Variants in VWA8 observed in about 807,000 individuals in gnomAD.
The protein encoded by VWA8 is von Willebrand factor A domain-containing protein 8.
Under a neutral mutation model 241.5 loss-of-function variants are expected in VWA8, and 221 were observed. The observed-to-expected ratio is 0.91, with a 90% CI of 0.82 to 1.02. VWA8 has a LOEUF of 1.02. Among genes scored for constraint, VWA8 ranks in the 50% least tolerant of loss-of-function variants. VWA8 has a pLI of 0.00. For missense variants in VWA8, 2,322 were observed against 2,328.7 expected (o/e 1.00, Z 0.06); for synonymous variants, 852 against 827.1 (o/e 1.03, Z -0.52).
chr13:41,806,168 G>T (rs935304662), intron 17 of VWA8, among the ~76,000 whole-genome samples: 1 of 151,806 alleles, frequency 6.6e-6, no homozygotes, highest in African/African-American at 2.4e-5. Context: ...GAAGAAAACT[G>T]AAAAATTTAT....
chr13:41,568,761 G>A (rs969206002), intron 44 of VWA8, among the ~76,000 whole-genome samples: 13 of 152,116 alleles, frequency 8.5e-5, no homozygotes, highest in African/African-American at 3.1e-4. Context: ...ACCCTGAGTG[G>A]TTCTTTCTCT....
At chr13:41,899,770 G>A (rs1023234250) in intron 4 of VWA8, among the ~76,000 whole-genome samples, 7 of 152,104 alleles carry the variant, frequency 4.6e-5, no homozygotes, top group Admixed American at 2.0e-4. Flanking sequence ...TAGCAACAAC[G>A]TACTGTGCCA....
At chr13:41,650,585 T>G (rs939353703) in intron 37 of VWA8, among the ~76,000 whole-genome samples, 1 of 152,236 alleles carries the variant, frequency 6.6e-6, no homozygotes, top group African/African-American at 2.4e-5. Flanking sequence ...CGTAAAAGCT[T>G]TAAATAGCCA....
chr13:41,588,889 TG>T (rs1389018990), intron 41 of VWA8, among the ~76,000 whole-genome samples: 1 of 152,204 alleles, frequency 6.6e-6, no homozygotes, highest in African/African-American at 2.4e-5. Context: ...CTTAAAAACT[TG>T]TTGAGTCTGC....
At chr13:41,753,308 C>CT (rs1041144913) in intron 21 of VWA8, among the ~76,000 whole-genome samples, 1 of 152,100 alleles carries the variant, frequency 6.6e-6, no homozygotes, top group African/African-American at 2.4e-5. Context: ...AAAAAAAACT[C>CT]TGGCAGTATA....
chr13:41,697,059 C>T (rs1466668844), intron 29 of VWA8, among the ~76,000 whole-genome samples: 1 of 152,210 alleles, frequency 6.6e-6, no homozygotes, highest in Non-Finnish European at 1.5e-5. Context: ...CAAACTGAAT[C>T]TAATATCATC....
At chr13:41,726,192 T>C (rs1007611717) in intron 24 of VWA8, among the ~76,000 whole-genome samples, 12 of 152,316 alleles carry the variant, frequency 7.9e-5, no homozygotes, top group African/African-American at 2.6e-4. Context: ...TAGCATTCTA[T>C]TGTGTGGATA....
At chr13:41,590,794 G>T in intron 40 of VWA8, 29 bp from the exon 41 acceptor site, 1 of 1,609,680 alleles carries the variant, frequency 6.2e-7, no homozygotes. Flanking sequence ...CACACACAAA[G>T]CCTTAATTAG....
chr13:41,662,910 T>C (rs2044961470), intron 37 of VWA8, among the ~76,000 whole-genome samples: 1 of 151,938 alleles, frequency 6.6e-6, no homozygotes, highest in African/African-American at 2.4e-5. Flanking sequence ...TTTCCTTCTA[T>C]TCCTAGTTTC....
At chr13:41,947,812 A>G (rs1877918237) in intron 2 of VWA8, among the ~76,000 whole-genome samples, 1 of 151,628 alleles carries the variant, frequency 6.6e-6, no homozygotes, top group African/African-American at 2.4e-5. Flanking sequence ...ACCTGCACCT[A>G]TAGTCCCAGC....
intron 14 of VWA8, among the ~76,000 whole-genome samples, chr13:41,827,834 A>G (rs1302205816): frequency 1.3e-5 from 2 of 152,190 alleles, no homozygotes; most frequent in Non-Finnish European, 2.9e-5. Context: ...ACCATTAGAG[A>G]ACTTGGGTAC....
intron 21 of VWA8, among the ~76,000 whole-genome samples, chr13:41,738,816 T>A (rs1471896385): frequency 1.3e-5 from 2 of 151,378 alleles, no homozygotes; most frequent in African/African-American, 2.4e-5. Context: ...TGAAAAAAAA[T>A]GGAAGAATGA....
At chr13:41,609,000 C>T (rs2044570025) in intron 39 of VWA8, among the ~76,000 whole-genome samples, 1 of 152,194 alleles carries the variant, frequency 6.6e-6, no homozygotes, top group South Asian at 2.1e-4. Context: ...CTAGTTTCAG[C>T]CAGTCTCTGA....
intron 18 of VWA8, among the ~76,000 whole-genome samples, chr13:41,784,717 T>TAC (rs1566456279): frequency 4.0e-5 from 3 of 74,714 alleles, no homozygotes; most frequent in Non-Finnish European, 8.7e-5. Flanking sequence ...TATATATATA[T>TAC]ATATATATAT....
chr13:41,580,242 T>C (rs1180628061), intron 42 of VWA8, among the ~76,000 whole-genome samples: 1 of 152,178 alleles, frequency 6.6e-6, no homozygotes, highest in Non-Finnish European at 1.5e-5. Context: ...GGTTGGCCAA[T>C]ATTTCTACAT....
rs1390687663 is a variant in VWA8, at chr13:41,865,887, G to A, written c.1347+15C>T. ...CCAGGAAACTAAAAGTCTGCAGTGA[G>A]ACTGTCATTCTTACCTTTCCTCCAA... On this transcript the variant is annotated intron_variant, in intron 11 of 44. Transcript: ENST00000379310. 6 of 1,614,174 alleles carry A rather than the reference G, an allele frequency of 3.7e-6. No homozygotes were observed. Among genetic ancestry groups the A allele is most frequent in the Admixed American group, 1.7e-5 (1 of 60,030 alleles).
intron 37 of VWA8, among the ~76,000 whole-genome samples, chr13:41,616,258 G>A (rs1015005071): frequency 1.3e-5 from 2 of 152,152 alleles, no homozygotes; most frequent in Admixed American, 6.5e-5. Flanking sequence ...TTACGTCCAA[G>A]TTGGTTCATT....
intron 29 of VWA8, 115 bp from the exon 30 acceptor site, chr13:41,693,087 A>C (rs953666914): frequency 4.6e-6 from 3 of 649,796 alleles, no homozygotes; most frequent in Non-Finnish European, 7.7e-6. Context: ...ATCAAAACAA[A>C]GACAATATTG....
chr13:41,665,626 C>T (rs956705657), intron 37 of VWA8, among the ~76,000 whole-genome samples: 4 of 151,696 alleles, frequency 2.6e-5, no homozygotes, highest in Non-Finnish European at 5.9e-5. Flanking sequence ...AGCTCAGAAC[C>T]GTAACAGTTC....
Sources: allele counts gnomAD v4.1 joint callset (sites outside exome capture counted in the v4.1 genomes callset), GRCh38; gene constraint gnomAD v4.1.1; transcripts MANE v1.5; gene names NCBI Gene and HGNC (gene_info 2026-07-23, HGNC 2026-07-21).